EFHC2: variants seen among roughly 807,000 people sequenced by gnomAD.
EFHC2 encodes the protein EF-hand domain-containing family member C2.
EFHC2 carries 18 observed loss-of-function variants against 52.7 expected under a neutral mutation model. The ratio of observed to expected loss-of-function variants is 0.34; its 90% CI spans 0.24 to 0.51. EFHC2 has a LOEUF of 0.51. Ranked by LOEUF, EFHC2 falls within the 20% of genes least tolerant of loss-of-function variation. The probability of loss-of-function intolerance (pLI) is 0.97; values close to 1 mark genes in which losing one functional copy is unlikely to be tolerated. For missense variants in EFHC2, 513 were observed against 562.5 expected (o/e 0.91, Z 0.89); for synonymous variants, 203 against 204.1 (o/e 0.99, Z 0.04).
chrX:44,194,966 C>T (rs1005830586), intron 11 of EFHC2, among the ~76,000 whole-genome samples: 6 of 112,224 alleles, frequency 5.3e-5, no homozygotes, highest in Non-Finnish European at 1.1e-4. Flanking sequence ...CAGATACAAC[C>T]AGTGCAGGGG....
intron 3 of EFHC2, among the ~76,000 whole-genome samples, chrX:44,268,306 A>G (rs947847518): frequency 3.6e-5 from 4 of 111,380 alleles, no homozygotes; most frequent in African/African-American, 9.8e-5. Flanking sequence ...TGCCTATGTG[A>G]GATTTGAAAT....
intron 1 of EFHC2, among the ~76,000 whole-genome samples, chrX:44,322,786 A>G (rs1262924634): frequency 4.5e-5 from 5 of 111,888 alleles, no homozygotes; most frequent in Non-Finnish European, 9.4e-5. Flanking sequence ...GAGCTCCAAT[A>G]AAAAGGGACC....
At chrX:44,302,559 G>A (rs2037876084) in intron 2 of EFHC2, among the ~76,000 whole-genome samples, 1 of 112,444 alleles carries the variant, frequency 8.9e-6, no homozygotes, top group Non-Finnish European at 1.9e-5. Flanking sequence ...TAAATTTAAA[G>A]ACTAAGTGTT....
intron 1 of EFHC2, among the ~76,000 whole-genome samples, chrX:44,319,284 T>G (rs1196205855): frequency 9.0e-6 from 1 of 111,225 alleles, no homozygotes; most frequent in African/African-American, 3.3e-5. Context: ...ATTATAGGTA[T>G]AAGCCACTGC....
chrX:44,168,374 T>C (rs1287655894), intron 13 of EFHC2, among the ~76,000 whole-genome samples: 4 of 110,034 alleles, frequency 3.6e-5, no homozygotes, highest in African/African-American at 9.9e-5. Context: ...CTACTAAAAA[T>C]ACAAAAAATT....
chrX:44,175,642 C>A (rs761618409), intron 13 of EFHC2, among the ~76,000 whole-genome samples: 6 of 111,242 alleles, frequency 5.4e-5, no homozygotes, highest in Non-Finnish European at 1.1e-4. Flanking sequence ...ATAATATATC[C>A]AAAACAATGA....
intron 11 of EFHC2, among the ~76,000 whole-genome samples, chrX:44,189,633 C>G (rs771294636): frequency 9.0e-6 from 1 of 111,081 alleles, no homozygotes; most frequent in African/African-American, 3.3e-5. Context: ...GAGGTAGGCA[C>G]GGGAGTGCAT....
At chrX:44,309,789 T>G in intron 2 of EFHC2, 1 of 1,033,996 alleles carries the variant, frequency 9.7e-7, no homozygotes. Flanking sequence ...TGCCTTCTAC[T>G]GCAGCAAAGG....
At chrX:44,191,473 G>A (rs1266565401) in intron 11 of EFHC2, among the ~76,000 whole-genome samples, 1 of 111,633 alleles carries the variant, frequency 9.0e-6, no homozygotes, top group Admixed American at 9.5e-5. Flanking sequence ...CTGACCTTAG[G>A]TGATCCACCT....
chrX:44,188,593 C>A (rs1337104645), intron 11 of EFHC2, among the ~76,000 whole-genome samples: 1 of 111,349 alleles, frequency 9.0e-6, no homozygotes, highest in African/African-American at 3.3e-5. Flanking sequence ...GTCAAGGAAG[C>A]AGAAAAAGTG....
rs771046918 is a variant in EFHC2, at chrX:44,160,921, CAAAA to C, written c.2148+2997_2148+3000del. Among the ~76,000 whole-genome samples the C allele has an allele frequency of 3.3e-5, 3 of 90,466 alleles. No individual in the cohort carries two copies. In the Admixed American group the frequency reaches 3.7e-4, roughly 11 times the overall value. 78.6% of individuals were successfully genotyped at this position (90,466 alleles called of 115,157 possible). On this transcript the variant is annotated intron_variant, in intron 14 of 14. Transcript: ENST00000420999. ...TGGGCAACAGAGTGAGACTTCGTCTCAAAAAAAAAAAAGAGATTAATAAATTATT... is the reference window on the plus strand; with the variant it reads ...TGGGCAACAGAGTGAGACTTCGTCTCAAAAAAAAGAGATTAATAAATTATT...
chrX:44,225,250 T>TAAA (rs200993815), intron 11 of EFHC2, among the ~76,000 whole-genome samples: 12 of 95,364 alleles, frequency 1.3e-4, no homozygotes, highest in Admixed American at 1.1e-3. Flanking sequence ...ATAAAAAAAT[T>TAAA]AAAAAAAAAA....
At chrX:44,259,407 G>A (rs1285064995) in intron 4 of EFHC2, among the ~76,000 whole-genome samples, 2 of 110,691 alleles carry the variant, frequency 1.8e-5, no homozygotes, top group Non-Finnish European at 3.8e-5. Context: ...GGGGGTGGGG[G>A]GATAGGGGAG....
In EFHC2 at chrX:44,176,400, G is replaced by A. The variant is rs754580202; in HGVS notation, c.1950-16C>T. 6.7e-5 allele frequency: 74 copies of A among 1,105,925 alleles called. No individual in the cohort carries two copies. In the Admixed American group the frequency reaches 1.1e-3, roughly 16 times the overall value. The allele number at this position is 1,105,925 out of a possible 1,213,427, so 91.1% of individuals were successfully genotyped here. On this transcript the variant is annotated splice_polypyrimidine_tract_variant and intron_variant, in intron 12 of 14. Transcript: ENST00000420999. ...TACATTTTTTCTGCATTAAAACAAC[G>A]TAAATGAGCTTTTATATACCTTGTA...
chrX:44,212,878 A>AT (rs1225525488), intron 11 of EFHC2, among the ~76,000 whole-genome samples: 7 of 105,119 alleles, frequency 6.7e-5, no homozygotes, highest in Non-Finnish European at 1.2e-4. Context: ...TGCCAGGCTG[A>AT]TTTTTTTTTT....
At chrX:44,269,620 C>T (rs2037602955) in intron 3 of EFHC2, among the ~76,000 whole-genome samples, 1 of 111,195 alleles carries the variant, frequency 9.0e-6, no homozygotes, top group East Asian at 2.8e-4. Flanking sequence ...ATGTGACACG[C>T]CTGCTCTCCT....
intron 2 of EFHC2, among the ~76,000 whole-genome samples, chrX:44,277,281 A>AAAAG (rs35893563): frequency 7.8e-5 from 8 of 102,470 alleles, no homozygotes; most frequent in Admixed American, 2.3e-4. Flanking sequence ...AAAAAAAAAA[A>AAAAG]TCTTACAGCT....
chrX:44,281,933 T>C (rs1448362558), intron 2 of EFHC2, among the ~76,000 whole-genome samples: 1 of 111,474 alleles, frequency 9.0e-6, no homozygotes, highest in East Asian at 2.8e-4. Context: ...TGTGTGTTTC[T>C]CCTATTAAAT....
intron 1 of EFHC2, among the ~76,000 whole-genome samples, chrX:44,318,090 G>A (rs1489277233): frequency 8.9e-6 from 1 of 112,284 alleles, no homozygotes; most frequent in Admixed American, 9.5e-5. Flanking sequence ...GTTCATAGCA[G>A]CATTATTTAC....
Sources: gnomAD v4.1 joint callset for allele counts (sites outside exome capture counted in the v4.1 genomes callset) on GRCh38, gnomAD v4.1.1 for gene constraint, MANE v1.5 for transcripts, NCBI Gene and HGNC (gene_info 2026-07-23, HGNC 2026-07-21) for gene names.